The following MGAT4C variants were observed in gnomAD, a reference collection of about 807,000 sequenced individuals.
The protein encoded by MGAT4C is MGAT4 family member C, also known as alpha-1,3-mannosyl-glycoprotein 4-beta-N-acetylglucosaminyltransferase C.
MGAT4C carries 19 observed loss-of-function variants against 40.1 expected under a neutral mutation model. The ratio of observed to expected loss-of-function variants is 0.47; its 90% CI spans 0.33 to 0.70. MGAT4C has a LOEUF of 0.70. Among genes scored for constraint, MGAT4C ranks in the 30% least tolerant of loss-of-function variants. The pLI is 0.02. For synonymous variants in MGAT4C, 181 were observed against 187.1 expected (o/e 0.97, Z 0.27); for missense variants, 491 against 563.2 (o/e 0.87, Z 1.30).
At chr12:86,568,545 C>CATATATATATATATATAT (rs1232291041) in intron 2 of MGAT4C, among the ~76,000 whole-genome samples, 2 of 138,728 alleles carry the variant, frequency 1.4e-5, no homozygotes, top group African/African-American at 2.7e-5. Context: ...AACTCCCCTT[C>CATATATATATATATATAT]ATATATATAT....
Position 85,997,935 on chromosome 12 carries a change from G to T in MGAT4C, c.-6-8383C>A, listed in dbSNP as rs564229755. Among the ~76,000 whole-genome samples, 12 of 152,308 alleles carry T rather than the reference G, an allele frequency of 7.9e-5. No homozygotes were observed. The South Asian group carries it at 1.7e-3, about 21-fold the overall frequency. ...TAGTGCTCCAGTAGGGACTCAGTGTGGGGGCTCTGACCCCACATTTCCCTT... is the reference window on the plus strand; with the variant it reads ...TAGTGCTCCAGTAGGGACTCAGTGTTGGGGCTCTGACCCCACATTTCCCTT... On this transcript the variant is annotated intron_variant, in intron 2 of 4. Transcript: ENST00000611864.
At chr12:86,514,691 A>G (rs1465598690) in intron 2 of MGAT4C, among the ~76,000 whole-genome samples, 1 of 152,162 alleles carries the variant, frequency 6.6e-6, no homozygotes, top group African/African-American at 2.4e-5. Flanking sequence ...TAATCTCTCC[A>G]TTTCAAGGTC....
intron 1 of MGAT4C, among the ~76,000 whole-genome samples, chr12:86,815,909 G>C (rs11104108): frequency 6.6e-6 from 1 of 151,768 alleles, no homozygotes; most frequent in Non-Finnish European, 1.5e-5. Flanking sequence ...ATACTCCTTA[G>C]GCGATGGGTG....
chr12:86,533,709 A>G (rs1959022127), intron 2 of MGAT4C, among the ~76,000 whole-genome samples: 1 of 151,692 alleles, frequency 6.6e-6, no homozygotes, highest in African/African-American at 2.4e-5. Flanking sequence ...ATATATAAAC[A>G]AAAATAAAAT....
chr12:86,006,944 G>C (rs1887948114), intron 2 of MGAT4C, among the ~76,000 whole-genome samples: 1 of 152,026 alleles, frequency 6.6e-6, no homozygotes, highest in Non-Finnish European at 1.5e-5. Context: ...GAAGTTCCTT[G>C]AATAAAGTCT....
At chr12:86,127,934 A>T (rs967052471) in intron 1 of MGAT4C, among the ~76,000 whole-genome samples, 2 of 152,170 alleles carry the variant, frequency 1.3e-5, no homozygotes, top group Non-Finnish European at 2.9e-5. Flanking sequence ...TTAGCTTTTT[A>T]AAAAAATAAG....
In MGAT4C at chr12:85,961,910, C is replaced by T. The variant is rs1201445016; in HGVS notation, c.*17379G>A. On this transcript the variant is annotated 3_prime_UTR_variant, in exon 5 of 5. Transcript: ENST00000611864. ...ACTTAATGATGTAAGAGTTAATTACCCATTGTCAAAAATCATTGCCCATCA... is the reference window on the plus strand; with the variant it reads ...ACTTAATGATGTAAGAGTTAATTACTCATTGTCAAAAATCATTGCCCATCA... 1 of 151,660 alleles carries T rather than the reference C, an allele frequency of 6.6e-6. No homozygotes were observed. The highest frequency in any genetic ancestry group is 2.4e-5 in the African/African-American group (1 of 41,358). 9.4% of individuals were successfully genotyped at this position (151,660 alleles called of 1,614,324 possible). A position where few individuals can be genotyped will look rare whatever the true frequency, so the allele number is the denominator to read the frequency against.
intron 1 of MGAT4C, among the ~76,000 whole-genome samples, chr12:86,741,286 A>G (rs1036814757): frequency 2.6e-5 from 4 of 151,296 alleles, no homozygotes; most frequent in African/African-American, 7.3e-5. Flanking sequence ...AAGACATTTA[A>G]AATGGTTTTA....
chr12:85,992,175 G>A (rs777836149), intron 2 of MGAT4C, among the ~76,000 whole-genome samples: 2 of 152,158 alleles, frequency 1.3e-5, no homozygotes, highest in Admixed American at 1.3e-4. Context: ...CTGGACATTT[G>A]TCAGTCAGTT....
At chr12:86,826,198 A>C (rs1952803836) in intron 1 of MGAT4C, among the ~76,000 whole-genome samples, 1 of 151,440 alleles carries the variant, frequency 6.6e-6, no homozygotes, top group East Asian at 1.9e-4. Flanking sequence ...TAATTTGCAC[A>C]TAAGCCATTC....
chr12:86,365,109 G>A (rs1955563173), intron 3 of MGAT4C, among the ~76,000 whole-genome samples: 1 of 152,098 alleles, frequency 6.6e-6, no homozygotes, highest in Non-Finnish European at 1.5e-5. Context: ...GCCGCCCCCT[G>A]AAGTGGCCAT....
At chr12:86,111,116 T>C (rs1877319876) in intron 1 of MGAT4C, among the ~76,000 whole-genome samples, 1 of 151,820 alleles carries the variant, frequency 6.6e-6, no homozygotes, top group Non-Finnish European at 1.5e-5. Flanking sequence ...ATAGAAAGTT[T>C]CTGGCATTTT....
intron 2 of MGAT4C, among the ~76,000 whole-genome samples, chr12:86,642,847 C>T (rs1963430376): frequency 6.6e-6 from 1 of 150,932 alleles, no homozygotes; most frequent in East Asian, 2.0e-4. Flanking sequence ...CATTAGGAAA[C>T]CTATAATAAA....
chr12:86,205,863 T>C (rs556508271), intron 1 of MGAT4C, among the ~76,000 whole-genome samples: 1 of 152,236 alleles, frequency 6.6e-6, no homozygotes, highest in East Asian at 1.9e-4. Flanking sequence ...TTCGTGTTTT[T>C]AGTTATTTCA....
intron 2 of MGAT4C, among the ~76,000 whole-genome samples, chr12:86,554,657 C>A (rs529099766): frequency 7.9e-5 from 12 of 152,286 alleles, no homozygotes; most frequent in Admixed American, 3.3e-4. Context: ...TTGCAACCAC[C>A]AAATCATATC....
At chr12:86,271,714 G>C (rs1299995297) in intron 4 of MGAT4C, among the ~76,000 whole-genome samples, 1 of 152,138 alleles carries the variant, frequency 6.6e-6, no homozygotes, top group Non-Finnish European at 1.5e-5. Flanking sequence ...GTTTATTGCA[G>C]CACTATCCAC....
chr12:86,103,528 G>C (rs1875515367), intron 1 of MGAT4C, among the ~76,000 whole-genome samples: 1 of 152,162 alleles, frequency 6.6e-6, no homozygotes, highest in African/African-American at 2.4e-5. Flanking sequence ...TCTGTAGGGA[G>C]TGCCACCTTG....
chr12:86,518,386 TAA>T lies in MGAT4C; in HGVS notation c.-228-83123_-228-83122del, dbSNP rs971444636. Among the ~76,000 whole-genome samples the T allele has an allele frequency of 1.3e-5, 2 of 152,188 alleles. 1 individual carries two copies. Among genetic ancestry groups the T allele is most frequent in the Admixed American group, 1.3e-4 (2 of 15,268 alleles). On this transcript the variant is annotated intron_variant, in intron 2 of 7. Coordinates refer to the MGAT4C transcript ENST00000548651. ...AAAGTAAAGAAATAGGCAAAATATT[TAA>T]AGTCTCTTTGCAAAATAAGCTATAT...
chr12:86,018,691 T>G (rs569341753), intron 2 of MGAT4C, among the ~76,000 whole-genome samples: 1 of 152,292 alleles, frequency 6.6e-6, no homozygotes, highest in East Asian at 1.9e-4. Flanking sequence ...CATATTTTTT[T>G]ACAGTCCCAA....
Sources: gnomAD v4.1 joint callset for allele counts (sites outside exome capture counted in the v4.1 genomes callset) on GRCh38, gnomAD v4.1.1 for gene constraint, MANE v1.5 for transcripts, NCBI Gene and HGNC (gene_info 2026-07-23, HGNC 2026-07-21) for gene names.